Variants in LRP6 observed in about 807,000 individuals in gnomAD.
LRP6 encodes low-density lipoprotein receptor-related protein 6.
A neutral mutation model predicts 184.1 loss-of-function variants in LRP6; 43 were observed. That is an observed-to-expected ratio of 0.23 (90% CI 0.18 to 0.30). The LOEUF is 0.30. Ranked by LOEUF, LRP6 falls within the 10% of genes least tolerant of loss-of-function variation. The pLI is 1.00. For synonymous variants in LRP6, 719 were observed against 684.9 expected, an observed-to-expected ratio of 1.05 and a Z score of -0.78; for missense variants, 1,571 against 2,005.3, an observed-to-expected ratio of 0.78 and a Z score of 4.14.
chr12:12,265,744 C>T (rs1343101893), intron 1 of LRP6, among the ~76,000 whole-genome samples: 4 of 152,184 alleles, frequency 2.6e-5, no homozygotes, highest in Non-Finnish European at 5.9e-5. Context: ...AGAAGAGCTG[C>T]CGACGGGCCA....
chr12:12,163,000 G>A (rs1442763090), intron 9 of LRP6, among the ~76,000 whole-genome samples: 1 of 152,092 alleles, frequency 6.6e-6, no homozygotes, highest in Non-Finnish European at 1.5e-5. Flanking sequence ...TTTTGAGACA[G>A]AGTCTCACTC....
intron 3 of LRP6, among the ~76,000 whole-genome samples, chr12:12,191,186 T>G (rs1001154765): frequency 2.6e-5 from 4 of 152,324 alleles, no homozygotes; most frequent in Non-Finnish European, 4.4e-5. Flanking sequence ...CGTCAGGCAC[T>G]GAAAGGTCTA....
intron 5 of LRP6, among the ~76,000 whole-genome samples, chr12:12,183,242 A>G (rs1314738068): frequency 1.3e-5 from 2 of 152,170 alleles, no homozygotes; most frequent in African/African-American, 4.8e-5. Context: ...ACAGCTAAAT[A>G]CAACAATTTT....
Position 12,224,186 on chromosome 12 carries a change from GTCTTTTAAAAT to G in LRP6, c.449+20065_449+20075del, listed in dbSNP as rs1194584585. Among the ~76,000 whole-genome samples, 3 of 152,134 alleles carry G rather than the reference GTCTTTTAAAAT, an allele frequency of 2.0e-5. No individual in the cohort carries two copies. The South Asian group carries it at 6.2e-4, about 32-fold the overall frequency. On this transcript the variant is annotated intron_variant, in intron 2 of 22. Coordinates refer to ENST00000261349, the MANE Select transcript of LRP6 (RefSeq NM_002336.3). ...GAATCCCCCAGCCTCCTAAAAGATG[GTCTTTTAAAAT>G]TCGTATTCATTAAGGTCCACGCTTT...
chr12:12,180,944 G>C, intron 6 of LRP6, 99 bp downstream of exon 6: 1 of 1,327,208 alleles, frequency 7.5e-7, no homozygotes, highest in Non-Finnish European at 1.1e-6. Context: ...CTGTTTACTG[G>C]AAACCAATAT....
chr12:12,170,666 C>G (rs1863010215), intron 7 of LRP6, among the ~76,000 whole-genome samples: 1 of 151,922 alleles, frequency 6.6e-6, no homozygotes, highest in African/African-American at 2.4e-5. Context: ...CCCTCTATAC[C>G]TGTCACCTTC....
In LRP6 at chr12:12,144,097, AT is replaced by A. The variant is rs1949970192; in HGVS notation, c.3397+3268del. On this transcript the variant is annotated intron_variant, in intron 15 of 22. Transcript: ENST00000261349. The stretch of plus-strand genomic sequence containing the variant: ...TTCATCTAAAGATACTACTGGGAGA[AT>A]AAAAAAGGTAAATCACAAACTGGGA... 3.9e-5 allele frequency among the ~76,000 whole-genome samples: 6 copies of A among 152,380 alleles called. No individual in the cohort carries two copies. The South Asian group carries it at 1.2e-3, about 32-fold the overall frequency.
intron 16 of LRP6, among the ~76,000 whole-genome samples, chr12:12,135,779 ACTT>A (rs1308546646): frequency 6.6e-6 from 1 of 151,968 alleles, no homozygotes; most frequent in African/African-American, 2.4e-5. Flanking sequence ...ACAAGAAACT[ACTT>A]CTATCTAACC....
intron 12 of LRP6, among the ~76,000 whole-genome samples, chr12:12,152,914 T>C (rs560830850): frequency 1.7e-4 from 26 of 152,334 alleles, no homozygotes; most frequent in Admixed American, 3.9e-4. Context: ...TCTACAAAAC[T>C]GCAATTCTGC....
Position 12,151,032 on chromosome 12 carries a change from G to T in LRP6, c.2798C>A (p.Thr933Lys). The change falls in exon 13 of 23, where the codon ACG becomes AAG. Residue 933 changes from threonine to lysine, a missense_variant. This residue lies in a region of LRP6 where 763 missense variants were observed against 859.5 expected (regional missense o/e 0.89). Transcript: ENST00000261349. The part of the protein sequence containing the change: ...NADNRTCSAP[T>K]TFLLFSQKSA... ...CTTTTGACTGAAGAGCAGGAAAGTC[G>T]TAGGAGCTTAAAAGGAAGAAAAGAG... The T allele has an allele frequency of 6.2e-7, 1 of 1,613,696 alleles. No homozygotes were observed. Among genetic ancestry groups the T allele is most frequent in the Non-Finnish European group, 8.5e-7 (1 of 1,179,706 alleles).
chr12:12,213,699 C>T (rs1387660127), intron 2 of LRP6, among the ~76,000 whole-genome samples: 1 of 151,934 alleles, frequency 6.6e-6, no homozygotes, highest in Admixed American at 6.6e-5. Flanking sequence ...CTGATTTTTT[C>T]TTTCCTAACG....
rs1471151093 is a variant in LRP6, at chr12:12,120,742, C to G, written c.*384G>C. ...GAGATGGACTTAATTTTTCTTCTTC[C>G]TCTTTTTTATTTTTGGTATCAATAA... On this transcript the variant is annotated 3_prime_UTR_variant, in exon 23 of 23. Coordinates refer to ENST00000261349, the MANE Select transcript of LRP6 (RefSeq NM_002336.3). The G allele has an allele frequency of 6.3e-6, 1 of 157,538 alleles. No homozygotes were observed. Among genetic ancestry groups the G allele is most frequent in the African/African-American group, 2.4e-5 (1 of 41,544 alleles). 9.8% of individuals were successfully genotyped at this position (157,538 alleles called of 1,614,324 possible). A position where few individuals can be genotyped will look rare whatever the true frequency, so the allele number is the denominator to read the frequency against.
intron 17 of LRP6, among the ~76,000 whole-genome samples, chr12:12,134,390 T>C (rs575857332): frequency 1.3e-5 from 2 of 152,282 alleles, no homozygotes; most frequent in Non-Finnish European, 2.9e-5. Context: ...TTCCTTCAGT[T>C]GAATTAACTT....
At chr12:12,151,504 T>A (rs1950080044) in intron 12 of LRP6, among the ~76,000 whole-genome samples, 1 of 151,536 alleles carries the variant, frequency 6.6e-6, no homozygotes, top group South Asian at 2.1e-4. Context: ...AGAAGGCTGA[T>A]TTTTAGTCTC....
At chr12:12,138,874 A>T (rs781111413) in intron 15 of LRP6, 2 of 1,375,506 alleles carry the variant, frequency 1.5e-6, no homozygotes, top group East Asian at 8.9e-5. Context: ...GTGGTGGTGG[A>T]CCCAGAGTTC....
chr12:12,138,992 T>C, intron 15 of LRP6: 1 of 1,333,680 alleles, frequency 7.5e-7, no homozygotes, highest in Non-Finnish European at 1.0e-6. Context: ...AAGAATTATT[T>C]CTAATCATCT....
intron 2 of LRP6, among the ~76,000 whole-genome samples, chr12:12,232,004 AAAAAACAAAAAC>A (rs71061025): frequency 2.0e-4 from 30 of 150,560 alleles, no homozygotes; most frequent in Admixed American, 1.4e-3. Context: ...GCCTCAAAAA[AAAAAACAAAAAC>A]AAAAACAAAA....
Position 12,266,883 on chromosome 12 carries a change from G to C in LRP6, c.-148C>G, listed in dbSNP as rs1480712760. The C allele has an allele frequency of 4.1e-6, 3 of 731,428 alleles. No individual in the cohort carries two copies. The highest frequency in any genetic ancestry group is 7.1e-6 in the Non-Finnish European group (3 of 421,560). 45.3% of individuals were successfully genotyped at this position (731,428 alleles called of 1,614,324 possible). A position where few individuals can be genotyped will look rare whatever the true frequency, so the allele number is the denominator to read the frequency against. On this transcript the variant is annotated 5_prime_UTR_variant, in exon 1 of 23. Coordinates refer to ENST00000261349, the MANE Select transcript of LRP6 (RefSeq NM_002336.3). ...GAGAAGAAAGAAAGGGGCACGTCAAGGTTCCGCGCGCGCCGCCGCCGCCCT... is the reference window on the plus strand; with the variant it reads ...GAGAAGAAAGAAAGGGGCACGTCAACGTTCCGCGCGCGCCGCCGCCGCCCT...
chr12:12,259,865 A>G (rs1450561758), intron 1 of LRP6, among the ~76,000 whole-genome samples: 3 of 152,180 alleles, frequency 2.0e-5, no homozygotes, highest in African/African-American at 7.2e-5. Context: ...AAAACATGCA[A>G]TGCAGAAACT....
Sources: allele counts gnomAD v4.1 joint callset (sites outside exome capture counted in the v4.1 genomes callset), GRCh38; gene constraint gnomAD v4.1.1; regional missense constraint gnomAD v4.1.1; transcripts MANE v1.5; gene names NCBI Gene and HGNC (gene_info 2026-07-23, HGNC 2026-07-21).